The following TYK2 variants were observed in gnomAD, a reference collection of about 807,000 sequenced individuals.
TYK2 encodes the protein non-receptor tyrosine-protein kinase TYK2.
In TYK2, 65 loss-of-function variants were observed where a neutral mutation model predicts 130.9. That is an observed-to-expected ratio of 0.50 (90% CI 0.41 to 0.61). The LOEUF is 0.61. Among genes scored for constraint, TYK2 ranks in the 20% least tolerant of loss-of-function variants. TYK2 has a pLI of 0.00. For missense variants in TYK2, 1,378 were observed against 1,610.7 expected, an observed-to-expected ratio of 0.86 and a Z score of 2.47; for synonymous variants, 647 against 658.9, an observed-to-expected ratio of 0.98 and a Z score of 0.28.
intron 14 of TYK2, among the ~76,000 whole-genome samples, chr19:10,360,331 CA>C (rs1188432993): frequency 1.2e-4 from 18 of 151,950 alleles, no homozygotes; most frequent in South Asian, 4.2e-4. Context: ...CCCATCTCTA[CA>C]AAAAATTTTT....
At position 10,372,491 on chromosome 19, in the gene TYK2, T is replaced by A. The variant is rs1290022560; in HGVS notation, c.194-4073A>T. Among the ~76,000 whole-genome samples the A allele has an allele frequency of 1.3e-4, 14 of 104,480 alleles. 1 individual carries two copies. The highest frequency in any genetic ancestry group is 3.2e-4 in the South Asian group (1 of 3,114). The allele number at this position is 104,480 out of a possible 152,430, so 68.5% of individuals were successfully genotyped here. A position where few individuals can be genotyped will look rare whatever the true frequency, so the allele number is the denominator to read the frequency against. On this transcript the variant is annotated intron_variant, in intron 3 of 24. Transcript: ENST00000525621. ...ATATATATATATATATATATTTTTT[T>A]TTTTTTTTTTTTTTTTGAGACAGCA... is the stretch of plus-strand genomic sequence containing the variant.
At chr19:10,359,683 T>TAA (rs956027082) in intron 14 of TYK2, among the ~76,000 whole-genome samples, 1 of 135,870 alleles carries the variant, frequency 7.4e-6, no homozygotes, top group Admixed American at 7.4e-5. Context: ...CCATCACTAC[T>TAA]AAAAAAAAAA....
At chr19:10,359,572 G>C (rs752233990) in intron 14 of TYK2, among the ~76,000 whole-genome samples, 2 of 152,176 alleles carry the variant, frequency 1.3e-5, no homozygotes, top group Non-Finnish European at 2.9e-5. Context: ...TGGGCTGGGC[G>C]TAGTGGCTCA....
At chr19:10,359,091 TCGCCC>T in intron 15 of TYK2, 79 bp downstream of exon 15, 1 of 1,546,732 alleles carries the variant, frequency 6.5e-7, no homozygotes, top group Non-Finnish European at 8.7e-7. Flanking sequence ...AGATGGGGTC[TCGCCC>T]TGTTGCCCAG....
At chr19:10,370,281 C>T (rs2041857564) in intron 3 of TYK2, among the ~76,000 whole-genome samples, 3 of 151,652 alleles carry the variant, frequency 2.0e-5, no homozygotes, top group Admixed American at 6.6e-5. Flanking sequence ...ACTGCTTGAA[C>T]CCGGGAGGCG....
chr19:10,379,437 C>T (rs1040218124), intron 2 of TYK2, among the ~76,000 whole-genome samples, 178 bp downstream of exon 2: 3 of 150,814 alleles, frequency 2.0e-5, no homozygotes, highest in South Asian at 2.1e-4. Flanking sequence ...CCAAGGCGGA[C>T]AGATCACGAG....
intron 23 of TYK2, chr19:10,351,499 A>T: frequency 3.0e-6 from 1 of 333,194 alleles, no homozygotes; most frequent in East Asian, 7.7e-5. Flanking sequence ...AAAAAGAAAA[A>T]GAAATCACTC....
intron 3 of TYK2, among the ~76,000 whole-genome samples, chr19:10,377,756 G>A (rs1395883535): frequency 1.2e-5 from 1 of 81,446 alleles, no homozygotes; most frequent in African/African-American, 5.4e-5. Context: ...ATAGGTGGGT[G>A]GATGGGTGGG....
rs1599322410 is a variant in TYK2, at chr19:10,350,780, C to T, written c.*54G>A. The T allele has an allele frequency of 1.9e-6, 3 of 1,605,164 alleles. No homozygotes were observed. Among genetic ancestry groups the T allele is most frequent in the East Asian group, 2.2e-5 (1 of 44,802 alleles). On this transcript the variant is annotated 3_prime_UTR_variant, in exon 25 of 25. Transcript: ENST00000525621. ...ATCCTGGAGCAGGGAGCAGGAGGCTCCCTCTGCAGCCACTGCCTGGTCCAG... is the reference window on the plus strand; with the variant it reads ...ATCCTGGAGCAGGGAGCAGGAGGCTTCCTCTGCAGCCACTGCCTGGTCCAG...
intron 5 of TYK2, among the ~76,000 whole-genome samples, chr19:10,366,938 G>A (rs1164674157): frequency 1.3e-5 from 2 of 151,836 alleles, no homozygotes; most frequent in Admixed American, 6.6e-5. Flanking sequence ...CAGCTACTCC[G>A]GAGGCTGAGG....
At chr19:10,354,943 C>A (rs969871573) in intron 18 of TYK2, among the ~76,000 whole-genome samples, 1 of 150,702 alleles carries the variant, frequency 6.6e-6, no homozygotes, top group Admixed American at 6.6e-5. Context: ...GTGGTCCCAG[C>A]TACTCAGGAG....
rs917646573 is a variant in TYK2 at position 10,380,423 on chromosome 19, G to C, written c.-229C>G. The C allele has an allele frequency of 6.5e-6, 1 of 152,746 alleles. No homozygotes were observed. Among genetic ancestry groups the C allele is most frequent in the African/African-American group, 2.4e-5 (1 of 41,484 alleles). The allele number at this position is 152,746 out of a possible 1,614,324, so 9.5% of individuals were successfully genotyped here. ...CGAGGCACCAGGTGCTCCCATCCAA[G>C]TGCAGCCTGTCAAGCGCAGCCAGTC... On this transcript the variant is annotated 5_prime_UTR_variant, in exon 1 of 25. Coordinates refer to ENST00000525621, the MANE Select transcript of TYK2 (RefSeq NM_003331.5).
Position 10,364,901 on chromosome 19 carries a change from C to A in TYK2, c.1159G>T (p.Val387Leu), listed in dbSNP as rs567828853. 6.2e-7 allele frequency: 1 copy of A among 1,614,220 alleles called. No individual in the cohort carries two copies. Among genetic ancestry groups the A allele is most frequent in the Non-Finnish European group, 8.5e-7 (1 of 1,180,046 alleles). ...ATGCTGACACAGTGCTCTTTCAGCA[C>A]CACGTGGGTGATGTCCCGGAAGTCA... The part of the protein sequence containing the change: ...FCDFRDITHV[V>L]LKEHCVSIHR... The change falls in exon 8 of 25, where the codon GTG (valine) becomes TTG (leucine). Residue 387 changes from valine to leucine, a missense_variant. Val to Leu is a conservative substitution (Grantham distance 32). Transcript: ENST00000525621. This position sits in a 1 kb window ranked among gnomAD's most constrained non-coding sequence, Gnocchi z 4.9.
Position 10,364,655 on chromosome 19 carries a change from C to A in TYK2, c.1326G>T (p.Arg442=). ...TCCCATCCCGGATGCTCATCACCAG[C>A]CGTGGGGGAGCCACCTCGTGGCACA... ...HYLCHEVAPP[R]LVMSIRDGIH... Residue 442 remains arginine, a synonymous_variant, in exon 9 of 25, where the codon CGG becomes CGT. Transcript: ENST00000525621. This position sits in a 1 kb window ranked among gnomAD's most constrained non-coding sequence, Gnocchi z 4.9. 6.2e-7 allele frequency: 1 copy of A among 1,613,932 alleles called. No homozygotes were observed. Among genetic ancestry groups the A allele is most frequent in the Non-Finnish European group, 8.5e-7 (1 of 1,179,988 alleles).
intron 3 of TYK2, among the ~76,000 whole-genome samples, chr19:10,373,098 G>A (rs2041985187): frequency 1.3e-5 from 2 of 150,910 alleles, no homozygotes; most frequent in South Asian, 2.1e-4. Context: ...GTGCAGTGGC[G>A]TGATCTCGGC....
intron 1 of TYK2, among the ~76,000 whole-genome samples, chr19:10,380,013 G>C (rs1351466086): frequency 2.6e-5 from 4 of 152,162 alleles, no homozygotes; most frequent in Non-Finnish European, 5.9e-5. Context: ...TGGAAGTGGA[G>C]GGGCTGTCAC....
intron 9 of TYK2, among the ~76,000 whole-genome samples, chr19:10,363,575 C>A (rs898559486): frequency 1.3e-5 from 2 of 152,158 alleles, no homozygotes; most frequent in African/African-American, 4.8e-5. Flanking sequence ...TGGGCACACA[C>A]CCAGCCATGA....
Position 10,366,513 on chromosome 19 carries a change from T to C in TYK2, c.533A>G (p.His178Arg). ...WELSTEEEIH[H>R]FKNESLGMAF... ...CATGCCCAGGCTCTCATTCTTAAAG[T>C]GGTGGATCTCCTCCTCGGTCGACAG... Residue 178 changes from histidine to arginine, a missense_variant, in exon 6 of 25, where the codon CAC (histidine) becomes CGC (arginine). Coordinates refer to ENST00000525621, the MANE Select transcript of TYK2 (RefSeq NM_003331.5). The C allele has an allele frequency of 2.5e-6, 4 of 1,613,942 alleles. No individual in the cohort carries two copies. The highest frequency in any genetic ancestry group is 3.4e-6 in the Non-Finnish European group (4 of 1,179,968).
chr19:10,369,273 T>A (rs2041810976), intron 3 of TYK2, among the ~76,000 whole-genome samples: 1 of 151,994 alleles, frequency 6.6e-6, no homozygotes, highest in African/African-American at 2.4e-5. Flanking sequence ...TGTCTCCCCC[T>A]GGACATCACA....
Sources: allele counts gnomAD v4.1 joint callset (sites outside exome capture counted in the v4.1 genomes callset), GRCh38; gene constraint gnomAD v4.1.1; non-coding constraint Gnocchi (gnomAD v3.1); transcripts MANE v1.5; gene names NCBI Gene and HGNC (gene_info 2026-07-23, HGNC 2026-07-21).